The following MPP7 variants were observed in gnomAD, a reference collection of about 807,000 sequenced individuals.
The protein encoded by MPP7 is MAGUK p55 scaffold protein 7, also known as MAGUK p55 subfamily member 7.
In MPP7, 60 loss-of-function variants were observed where a neutral mutation model predicts 76.5. The observed-to-expected ratio is 0.78, with a 90% confidence interval of 0.64 to 0.97. The LOEUF is 0.97. Among genes scored for constraint, MPP7 ranks in the 50% least tolerant of loss-of-function variants. The pLI, the probability that MPP7 is intolerant of heterozygous loss-of-function variation, is 0.00. For synonymous variants in MPP7, 237 were observed against 244.5 expected (o/e 0.97, Z 0.29); for missense variants, 641 against 694.0 (o/e 0.92, Z 0.86).
At chr10:28,073,616 G>T (rs752601629) in intron 12 of MPP7, among the ~76,000 whole-genome samples, 6 of 151,814 alleles carry the variant, frequency 4.0e-5, no homozygotes, top group Non-Finnish European at 8.8e-5. Flanking sequence ...TTAAAAATAC[G>T]AAAATTAGCT....
intron 2 of MPP7, among the ~76,000 whole-genome samples, chr10:28,224,075 C>T (rs184368395): frequency 5.3e-4 from 81 of 151,936 alleles, no homozygotes; most frequent in Admixed American, 4.9e-3. Flanking sequence ...ATCCCAGCTA[C>T]TCAGGAGGCT....
chr10:28,154,343 AACTTGGAGGCTGT>A (rs1835980636), intron 3 of MPP7, among the ~76,000 whole-genome samples: 1 of 152,186 alleles, frequency 6.6e-6, no homozygotes, highest in African/African-American at 2.4e-5. Flanking sequence ...AAAGCCTAAA[AACTTGGAGGCTGT>A]ACCTTTGCTC....
At chr10:28,081,371 C>T (rs1852752450) in intron 12 of MPP7, among the ~76,000 whole-genome samples, 2 of 152,204 alleles carry the variant, frequency 1.3e-5, no homozygotes. Flanking sequence ...GAAGATAAGA[C>T]TTGTCATGTA....
chr10:28,265,589 T>G (rs12268092), intron 1 of MPP7, among the ~76,000 whole-genome samples: 7,272 of 152,176 alleles, frequency 0.048, 596 homozygotes, highest in African/African-American at 0.16. Flanking sequence ...TGCCTTTACA[T>G]CTTAAAAAAA....
rs533610433 is a variant in MPP7 at position 28,223,794 on chromosome 10, A to C, written c.37+14774T>G. Among the ~76,000 whole-genome samples, 47 of 151,916 alleles carry C rather than the reference A, an allele frequency of 3.1e-4. 1 individual carries two copies. The highest frequency in any genetic ancestry group is 9.4e-4 in the African/African-American group (39 of 41,404). On this transcript the variant is annotated intron_variant, in intron 2 of 16. Transcript: ENST00000683449. Reference sequence around the variant, plus strand: ...TATAAGGCTATTCACCTATAAACTGAAATGTATAATATTAGGCTTCATTCC... The same window carrying C: ...TATAAGGCTATTCACCTATAAACTGCAATGTATAATATTAGGCTTCATTCC...
At chr10:28,067,129 C>T (rs1017303715) in intron 13 of MPP7, among the ~76,000 whole-genome samples, 2 of 152,092 alleles carry the variant, frequency 1.3e-5, no homozygotes, top group African/African-American at 4.8e-5. Flanking sequence ...CTTAGTTTTC[C>T]AAAATGATTG....
chr10:28,230,717 G>A lies in MPP7; in HGVS notation c.37+7851C>T, dbSNP rs183113615. On this transcript the variant is annotated intron_variant, in intron 2 of 16. Transcript: ENST00000683449. Reference sequence around the variant, plus strand: ...TGTAGTCCCATCTACTCCAGAGGCTGAGGCAGGAGAATTGCTTGAACCCGG... The same window carrying A: ...TGTAGTCCCATCTACTCCAGAGGCTAAGGCAGGAGAATTGCTTGAACCCGG... Among the ~76,000 whole-genome samples, 232 of 152,312 alleles carry A rather than the reference G, an allele frequency of 1.5e-3. 1 individual carries two copies. The highest frequency in any genetic ancestry group is 5.1e-3 in the African/African-American group (211 of 41,572).
At chr10:28,156,131 T>C (rs1430090399) in intron 3 of MPP7, among the ~76,000 whole-genome samples, 2 of 152,244 alleles carry the variant, frequency 1.3e-5, no homozygotes, top group African/African-American at 2.4e-5. Context: ...GTCAAATACA[T>C]GAGTTTAAAT....
chr10:28,221,090 C>T (rs1350209277), intron 2 of MPP7, among the ~76,000 whole-genome samples: 4 of 152,188 alleles, frequency 2.6e-5, no homozygotes, highest in South Asian at 2.1e-4. Flanking sequence ...AACAAAAAGA[C>T]GAACCCTCAT....
intron 12 of MPP7, among the ~76,000 whole-genome samples, chr10:28,082,503 A>T (rs1363881297): frequency 6.6e-6 from 1 of 151,730 alleles, no homozygotes; most frequent in African/African-American, 2.4e-5. Context: ...TGCCCAGCCC[A>T]GAATGTGCAG....
chr10:28,205,415 A>G (rs547008977), intron 2 of MPP7, among the ~76,000 whole-genome samples: 1 of 152,324 alleles, frequency 6.6e-6, no homozygotes, highest in South Asian at 2.1e-4. Flanking sequence ...ATGGAGATTC[A>G]AGGGCAAATG....
At chr10:28,118,110 A>G in intron 11 of MPP7, 2 of 974,518 alleles carry the variant, frequency 2.1e-6, no homozygotes, top group Non-Finnish European at 2.4e-6. Flanking sequence ...TATTAACATA[A>G]AAAAGAAATC....
At chr10:28,076,141 G>A (rs1852473459) in intron 12 of MPP7, among the ~76,000 whole-genome samples, 1 of 152,126 alleles carries the variant, frequency 6.6e-6, no homozygotes, top group Admixed American at 6.5e-5. Context: ...AAAAGGGGAG[G>A]TGATGGATTC....
At chr10:28,132,555 G>A (rs751072136) in intron 5 of MPP7, among the ~76,000 whole-genome samples, 2 of 152,072 alleles carry the variant, frequency 1.3e-5, no homozygotes, top group African/African-American at 2.4e-5. Context: ...TCAGCCTCCT[G>A]AGTAGCCAGG....
chr10:28,088,111 T>G (rs1484541733), intron 12 of MPP7, among the ~76,000 whole-genome samples: 2 of 152,194 alleles, frequency 1.3e-5, no homozygotes, highest in African/African-American at 4.8e-5. Flanking sequence ...ATTGCATCAT[T>G]TCCCATGAGT....
At chr10:28,144,792 C>G (rs1041684819) in intron 5 of MPP7, among the ~76,000 whole-genome samples, 1 of 152,080 alleles carries the variant, frequency 6.6e-6, no homozygotes, top group Non-Finnish European at 1.5e-5. Flanking sequence ...ATATCATTTC[C>G]ATACGCTCCC....
chr10:28,244,886 C>T lies in MPP7; in HGVS notation c.-131-6151G>A, dbSNP rs141405514. Among the ~76,000 whole-genome samples, 18 of 152,252 alleles carry T rather than the reference C, an allele frequency of 1.2e-4. No homozygotes were observed. In the East Asian group the frequency reaches 3.3e-3, roughly 28 times the overall value. On this transcript the variant is annotated intron_variant, in intron 1 of 16. Transcript: ENST00000683449. ...AGCATAGGTGTAATGAATGAACTAG[C>T]ACTTGCAGGCAATGAACTCATTCCA... is the stretch of plus-strand genomic sequence containing the variant.
intron 3 of MPP7, among the ~76,000 whole-genome samples, chr10:28,199,202 G>A (rs914008431): frequency 6.6e-6 from 1 of 151,984 alleles, no homozygotes; most frequent in Non-Finnish European, 1.5e-5. Context: ...TATCTCCCGC[G>A]GGGTCCTTCC....
chr10:28,127,969 A>T (rs2133660604), intron 6 of MPP7, among the ~76,000 whole-genome samples: 1 of 152,370 alleles, frequency 6.6e-6, no homozygotes, highest in African/African-American at 2.4e-5. Flanking sequence ...AAGGCTGTGA[A>T]TAAAATGCTC....
Sources: allele counts gnomAD v4.1 joint callset (sites outside exome capture counted in the v4.1 genomes callset), GRCh38; gene constraint gnomAD v4.1.1; transcripts MANE v1.5; gene names NCBI Gene and HGNC (gene_info 2026-07-23, HGNC 2026-07-21).